DENND10: variants seen among roughly 807,000 people sequenced by gnomAD.
DENND10 encodes the protein DENN domain containing 10.
In DENND10, 24 loss-of-function variants were observed where a neutral mutation model predicts 43.6. The ratio of observed to expected loss-of-function variants is 0.55; its 90% confidence interval spans 0.40 to 0.77. DENND10 has a LOEUF of 0.77. DENND10 is among the 30% of genes least tolerant of loss of function. The pLI, the probability that DENND10 is intolerant of heterozygous loss-of-function variation, is 0.00. For missense variants in DENND10, 303 were observed against 429.9 expected (o/e 0.70, Z 2.61); for synonymous variants, 125 against 157.6 (o/e 0.79, Z 1.55).
chr10:119,126,062 T>G (rs572054625), intron 6 of DENND10, among the ~76,000 whole-genome samples: 22 of 152,328 alleles, frequency 1.4e-4, no homozygotes, highest in African/African-American at 5.3e-4. Context: ...AAAATTTGTC[T>G]TTCTGTCCGT....
At chr10:119,114,439 C>T (rs1284779369) in intron 3 of DENND10, 2 of 152,226 alleles carry the variant, frequency 1.3e-5, no homozygotes, top group Non-Finnish European at 2.9e-5. Flanking sequence ...AGCAGAAGCC[C>T]GCAGGAGGGA....
At chr10:119,115,593 T>A (rs936634236) in intron 3 of DENND10, among the ~76,000 whole-genome samples, 1 of 142,290 alleles carries the variant, frequency 7.0e-6, no homozygotes, top group Non-Finnish European at 1.5e-5. Context: ...GTTTCACCGT[T>A]TTAGCCGGGA....
chr10:119,116,932 G>C (rs1845312974), intron 3 of DENND10, among the ~76,000 whole-genome samples: 1 of 150,536 alleles, frequency 6.6e-6, no homozygotes, highest in Non-Finnish European at 1.5e-5. Flanking sequence ...CGCCTGCTTT[G>C]CCCTCCCAAA....
At chr10:119,127,208 C>T (rs1444720865) in intron 6 of DENND10, among the ~76,000 whole-genome samples, 1 of 151,950 alleles carries the variant, frequency 6.6e-6, no homozygotes, top group East Asian at 1.9e-4. Flanking sequence ...CTGGCCTAAA[C>T]ATTTTTAATG....
chr10:119,128,245 G>A (rs1845917308), intron 6 of DENND10, among the ~76,000 whole-genome samples: 1 of 151,902 alleles, frequency 6.6e-6, no homozygotes, highest in Admixed American at 6.6e-5. Flanking sequence ...CCCAGGAGGT[G>A]AAGGTTGCAG....
At chr10:119,125,552 G>T (rs1042319651) in intron 6 of DENND10, among the ~76,000 whole-genome samples, 1 of 139,356 alleles carries the variant, frequency 7.2e-6, no homozygotes, top group African/African-American at 2.7e-5. Flanking sequence ...CTGTTGCCCA[G>T]GCTGGAGTGC....
At chr10:119,122,792 AT>A (rs1845636936) in intron 5 of DENND10, among the ~76,000 whole-genome samples, 1 of 152,108 alleles carries the variant, frequency 6.6e-6, no homozygotes, top group African/African-American at 2.4e-5. Context: ...CTTCCAGAAA[AT>A]TTCTTGCTTG....
rs556761039 is a variant in DENND10 at position 119,110,603 on chromosome 10, C to T, written c.253-1246C>T. On this transcript the variant is annotated intron_variant, in intron 2 of 8. Transcript: ENST00000361432. The stretch of plus-strand genomic sequence containing the variant: ...TCCCGAGTAGCTGGGATTATAGGCA[C>T]CTGCCACCATTCCTGGCTAATTTTT... 3.3e-5 allele frequency among the ~76,000 whole-genome samples: 5 copies of T among 152,120 alleles called. No homozygotes were observed. In the South Asian group the frequency reaches 8.3e-4, roughly 25 times the overall value.
intron 7 of DENND10, among the ~76,000 whole-genome samples, chr10:119,130,656 T>C (rs1846041421): frequency 6.6e-6 from 1 of 152,206 alleles, no homozygotes; most frequent in African/African-American, 2.4e-5. Context: ...TAGAGGTAGT[T>C]TGGCTCAGGA....
At chr10:119,120,229 CAG>C in intron 4 of DENND10, 110 bp from the exon 5 acceptor site, 3 of 610,130 alleles carry the variant, frequency 4.9e-6, no homozygotes, top group Admixed American at 6.0e-5. Context: ...GCCTGGGTGA[CAG>C]AGTGAGACTC....
chr10:119,120,435 G>C lies in DENND10; in HGVS notation c.576G>C (p.Ala192=). 6 of 1,606,806 alleles carry C rather than the reference G, an allele frequency of 3.7e-6. No individual in the cohort carries two copies. In the South Asian group the frequency reaches 6.6e-5, roughly 18 times the overall value. The change falls in exon 5 of 9, where the codon GCG becomes GCC. Residue 192 remains alanine (A), a synonymous_variant. Transcript: ENST00000361432. The part of the protein sequence containing the change: ...RIVVYHPKIE[A]VQEFTRTLPA... ...TGGTGTATCACCCCAAGATAGAAGC[G>C]GTCCAGGAGTTCACCAGGTATCACC...
chr10:119,132,493 T>C lies in DENND10; in HGVS notation c.803-22T>C, dbSNP rs372725760. The C allele has an allele frequency of 1.1e-5, 17 of 1,575,638 alleles. No homozygotes were observed. Among genetic ancestry groups the C allele is most frequent in the African/African-American group, 1.3e-5 (1 of 74,132 alleles). ...TATTTTTTATGTCGATTTCTAAATATTCACCTTCTTGATCTCACCAGAGGC... is the reference window on the plus strand; with the variant it reads ...TATTTTTTATGTCGATTTCTAAATACTCACCTTCTTGATCTCACCAGAGGC... On this transcript the variant is annotated intron_variant, in intron 7 of 8. Coordinates refer to ENST00000361432, the MANE Select transcript of DENND10 (RefSeq NM_207009.4). This position sits in a 1 kb window ranked among gnomAD's most constrained non-coding sequence, Gnocchi z 4.2.
At chr10:119,131,414 C>T (rs1040593613) in intron 7 of DENND10, among the ~76,000 whole-genome samples, 3 of 152,076 alleles carry the variant, frequency 2.0e-5, no homozygotes, top group Non-Finnish European at 2.9e-5. Context: ...GCCGAGATCG[C>T]GCCACTGCAC....
intron 6 of DENND10, among the ~76,000 whole-genome samples, chr10:119,125,379 TATG>T (rs1215851068): frequency 6.6e-6 from 1 of 152,020 alleles, no homozygotes; most frequent in Non-Finnish European, 1.5e-5. Flanking sequence ...ATGGGGTACA[TATG>T]ATGTTTTGAT....
chr10:119,128,130 T>C (rs1845913244), intron 6 of DENND10, among the ~76,000 whole-genome samples: 1 of 151,774 alleles, frequency 6.6e-6, no homozygotes, highest in Non-Finnish European at 1.5e-5. Context: ...CTGACCAATA[T>C]GGTGAAACCC....
intron 6 of DENND10, among the ~76,000 whole-genome samples, chr10:119,127,046 G>A (rs1845870374): frequency 6.6e-6 from 1 of 150,536 alleles, no homozygotes; most frequent in Non-Finnish European, 1.5e-5. Context: ...CTACAGGCAC[G>A]TGCCACCATG....
chr10:119,121,445 CTTTTTT>C (rs773938225), intron 5 of DENND10, among the ~76,000 whole-genome samples: 2 of 112,904 alleles, frequency 1.8e-5, no homozygotes, highest in Admixed American at 9.2e-5. Flanking sequence ...CCATTAGGTC[CTTTTTT>C]TTTTTTTTTT....
intron 6 of DENND10, among the ~76,000 whole-genome samples, chr10:119,125,684 A>G (rs1470619646): frequency 6.7e-6 from 1 of 150,192 alleles, no homozygotes; most frequent in East Asian, 2.0e-4. Context: ...ATTTTTTTGT[A>G]TTTTTGGTAG....
At chr10:119,124,037 C>CA (rs1401283279) in intron 6 of DENND10, among the ~76,000 whole-genome samples, 1 of 148,972 alleles carries the variant, frequency 6.7e-6, no homozygotes, top group Non-Finnish European at 1.5e-5. Flanking sequence ...ACTAAAAATA[C>CA]AAAAAATTAG....
Sources: gnomAD v4.1 joint callset for allele counts (sites outside exome capture counted in the v4.1 genomes callset) on GRCh38, gnomAD v4.1.1 for gene constraint, Gnocchi (gnomAD v3.1) non-coding constraint, MANE v1.5 for transcripts, NCBI Gene and HGNC (gene_info 2026-07-23, HGNC 2026-07-21) for gene names.